Variants in SYN2 observed in about 807,000 individuals in gnomAD.
SYN2 encodes synapsin II.
A neutral mutation model predicts 50.9 loss-of-function variants in SYN2; 19 were observed. The ratio of observed to expected loss-of-function variants is 0.37; its 90% CI spans 0.26 to 0.55. SYN2 has a LOEUF of 0.55. SYN2 is among the 20% of genes least tolerant of loss of function. SYN2 has a pLI of 0.81. For missense variants in SYN2, 587 were observed against 576.4 expected (o/e 1.02, Z -0.19); for synonymous variants, 255 against 224.9 (o/e 1.13, Z -1.20).
intron 5 of SYN2, chr3:12,154,547 C>CA: frequency 6.9e-7 from 1 of 1,455,718 alleles, no homozygotes; most frequent in East Asian, 2.3e-5. Context: ...GCAGCCTCCC[C>CA]AATGACTTTG....
chr3:12,009,326 C>T (rs969549769), intron 1 of SYN2, among the ~76,000 whole-genome samples: 2 of 149,574 alleles, frequency 1.3e-5, no homozygotes, highest in African/African-American at 2.5e-5. Context: ...TTTAATCTCT[C>T]TACCATGTTT....
At chr3:12,012,099 A>G (rs1279130950) in intron 1 of SYN2, among the ~76,000 whole-genome samples, 1 of 151,264 alleles carries the variant, frequency 6.6e-6, no homozygotes, top group East Asian at 1.9e-4. Context: ...GTTGAGGGCC[A>G]CCGACTCAAG....
intron 1 of SYN2, among the ~76,000 whole-genome samples, chr3:12,034,261 T>A (rs1022785435): frequency 2.6e-5 from 4 of 152,180 alleles, no homozygotes; most frequent in African/African-American, 9.7e-5. Flanking sequence ...CTCATTGTGG[T>A]TTTGGTTTGC....
chr3:12,187,695 C>T, intron 12 of SYN2, 83 bp downstream of exon 12: 2 of 1,447,402 alleles, frequency 1.4e-6, no homozygotes, highest in South Asian at 1.5e-5. Context: ...TAGAAATCAC[C>T]TTCAATCAGG....
chr3:12,069,555 A>C (rs1344528744), intron 1 of SYN2, among the ~76,000 whole-genome samples: 1 of 151,912 alleles, frequency 6.6e-6, no homozygotes, highest in Non-Finnish European at 1.5e-5. Context: ...CCGTGGACAC[A>C]TGTGTTTTAA....
At chr3:12,093,252 G>A (rs986412172) in intron 1 of SYN2, among the ~76,000 whole-genome samples, 1 of 152,102 alleles carries the variant, frequency 6.6e-6, no homozygotes, top group African/African-American at 2.4e-5. Flanking sequence ...TCAAGCCTCA[G>A]CCTTAGTGGT....
At chr3:12,051,290 G>A (rs538141256) in intron 1 of SYN2, among the ~76,000 whole-genome samples, 257 of 151,676 alleles carry the variant, frequency 1.7e-3, no homozygotes, top group Non-Finnish European at 3.2e-3. Flanking sequence ...GTGGCAAGGG[G>A]AAATGTGTCA....
intron 1 of SYN2, among the ~76,000 whole-genome samples, chr3:12,117,866 A>G (rs1018520931): frequency 6.6e-6 from 1 of 152,140 alleles, no homozygotes; most frequent in Admixed American, 6.5e-5. Context: ...ATATCTTCCT[A>G]TCTTGGCCCT....
chr3:12,170,962 A>G (rs141708400), intron 10 of SYN2, among the ~76,000 whole-genome samples: 16 of 152,324 alleles, frequency 1.1e-4, no homozygotes, highest in African/African-American at 3.8e-4. Context: ...CTGGATCTCA[A>G]GTTTCCCCAC....
chr3:12,095,438 C>G (rs1479428797), intron 1 of SYN2, among the ~76,000 whole-genome samples: 1 of 30,966 alleles, frequency 3.2e-5, no homozygotes, highest in East Asian at 3.9e-3. Context: ...GTCCTAGCTA[C>G]TCGGGAGACT....
intron 11 of SYN2, chr3:12,184,173 A>C (rs1333272323): frequency 2.0e-6 from 2 of 985,752 alleles, no homozygotes; most frequent in Non-Finnish European, 2.4e-6. Context: ...TTTACATCCC[A>C]GTGTACCCTT....
chr3:12,156,557 C>T (rs1442743680), intron 5 of SYN2, among the ~76,000 whole-genome samples: 3 of 152,198 alleles, frequency 2.0e-5, no homozygotes, highest in Non-Finnish European at 2.9e-5. Flanking sequence ...GAAGCAGCTG[C>T]CCTACACTGG....
chr3:12,184,546 A>C (rs1308457111), intron 11 of SYN2: 1 of 985,802 alleles, frequency 1.0e-6, no homozygotes, highest in Non-Finnish European at 1.2e-6. Flanking sequence ...CAGAACCTTG[A>C]GGTTGACTCC....
At chr3:12,012,968 A>G (rs1693948188) in intron 1 of SYN2, among the ~76,000 whole-genome samples, 1 of 152,174 alleles carries the variant, frequency 6.6e-6, no homozygotes, top group Admixed American at 6.5e-5. Context: ...TTCCACTGAC[A>G]CTGGCCTTCT....
intron 1 of SYN2, among the ~76,000 whole-genome samples, chr3:12,087,691 T>C (rs1175149253): frequency 6.6e-6 from 1 of 152,074 alleles, no homozygotes; most frequent in Non-Finnish European, 1.5e-5. Flanking sequence ...AGGTTGAGGC[T>C]GCAGTGAGCT....
chr3:12,187,748 T>C (rs1698373885), intron 12 of SYN2, 136 bp downstream of exon 12: 1 of 1,348,674 alleles, frequency 7.4e-7, no homozygotes. Context: ...GGTTTTTTTT[T>C]GTTAGTTTGT....
chr3:12,120,550 C>T (rs897384116), intron 1 of SYN2, among the ~76,000 whole-genome samples: 10 of 152,182 alleles, frequency 6.6e-5, no homozygotes, highest in African/African-American at 2.4e-4. Context: ...GTTTCCTGTC[C>T]CTTAGCCAGT....
chr3:12,070,547 G>T, intron 1 of SYN2: 1 of 1,049,630 alleles, frequency 9.5e-7, no homozygotes, highest in South Asian at 1.2e-5. Flanking sequence ...ACCTGGTGCT[G>T]CTGACGGAGG....
At chr3:12,178,827 A>G (rs745548221) in intron 10 of SYN2, among the ~76,000 whole-genome samples, 1 of 152,200 alleles carries the variant, frequency 6.6e-6, no homozygotes, top group Non-Finnish European at 1.5e-5. Flanking sequence ...TGGGCTGGCA[A>G]ATGTATCTTT....
Sources: allele counts gnomAD v4.1 joint callset (sites outside exome capture counted in the v4.1 genomes callset), GRCh38; gene constraint gnomAD v4.1.1; transcripts MANE v1.5; gene names NCBI Gene and HGNC (gene_info 2026-07-23, HGNC 2026-07-21).